The following ERBB4 variants were observed in gnomAD, a reference collection of about 807,000 sequenced individuals.
ERBB4 encodes the protein erb-b2 receptor tyrosine kinase 4, also known as receptor tyrosine-protein kinase erbB-4.
Under a neutral mutation model 158.0 loss-of-function variants are expected in ERBB4, and 42 were observed. The observed-to-expected ratio is 0.27, with a 90% confidence interval of 0.21 to 0.34. ERBB4 has a LOEUF of 0.34. ERBB4 is among the 10% of genes least tolerant of loss of function. ERBB4 has a pLI of 1.00. For synonymous variants in ERBB4, 583 were observed against 558.7 expected, an observed-to-expected ratio of 1.04 and a Z score of -0.61; for missense variants, 1,333 against 1,624.1, an observed-to-expected ratio of 0.82 and a Z score of 3.08.
At chr2:212,166,097 G>A (rs1575733840) in intron 1 of ERBB4, among the ~76,000 whole-genome samples, 1 of 151,454 alleles carries the variant, frequency 6.6e-6, no homozygotes, top group South Asian at 2.1e-4. Flanking sequence ...CCCAAATTTA[G>A]TTTGGTTCAA....
chr2:212,075,393 G>A (rs1047600145), intron 2 of ERBB4, among the ~76,000 whole-genome samples: 1 of 151,692 alleles, frequency 6.6e-6, no homozygotes, highest in African/African-American at 2.4e-5. Context: ...ATGAAAAAGG[G>A]AATAAAATTA....
chr2:212,156,431 C>T (rs548203222), intron 1 of ERBB4, among the ~76,000 whole-genome samples: 30 of 152,106 alleles, frequency 2.0e-4, no homozygotes, highest in Admixed American at 1.5e-3. Context: ...GAAAATAATT[C>T]GGTTCATCCC....
intron 1 of ERBB4, among the ~76,000 whole-genome samples, chr2:212,203,531 G>A (rs2082648773): frequency 6.6e-6 from 1 of 152,170 alleles, no homozygotes; most frequent in African/African-American, 2.4e-5. Context: ...CACTGGGAAA[G>A]TTTTGAAAAT....
At chr2:211,508,604 G>A (rs2125607537) in intron 20 of ERBB4, among the ~76,000 whole-genome samples, 1 of 152,258 alleles carries the variant, frequency 6.6e-6, no homozygotes, top group South Asian at 2.1e-4. Context: ...AATACCATTT[G>A]ACCCAGCAAT....
chr2:211,796,430 A>T (rs2076384362), intron 3 of ERBB4, among the ~76,000 whole-genome samples: 1 of 151,988 alleles, frequency 6.6e-6, no homozygotes, highest in African/African-American at 2.4e-5. Context: ...ACTTCCTAGA[A>T]AATGCCTTTA....
At chr2:211,796,688 G>A (rs1411946265) in intron 3 of ERBB4, among the ~76,000 whole-genome samples, 1 of 151,862 alleles carries the variant, frequency 6.6e-6, no homozygotes, top group Admixed American at 6.6e-5. Context: ...AGTGACTACT[G>A]AAGTTGACCT....
At chr2:211,807,917 A>G (rs1175932394) in intron 3 of ERBB4, among the ~76,000 whole-genome samples, 1 of 152,168 alleles carries the variant, frequency 6.6e-6, no homozygotes, top group Non-Finnish European at 1.5e-5. Context: ...GGCTGCATAA[A>G]TGTCTTCTTC....
intron 1 of ERBB4, among the ~76,000 whole-genome samples, chr2:212,222,265 T>C (rs2083313138): frequency 6.6e-6 from 1 of 151,598 alleles, no homozygotes; most frequent in African/African-American, 2.4e-5. Context: ...TACGGGTTAA[T>C]GGTCAAAATC....
At chr2:211,478,575 A>G (rs891468736) in intron 20 of ERBB4, among the ~76,000 whole-genome samples, 1 of 152,102 alleles carries the variant, frequency 6.6e-6, no homozygotes, top group East Asian at 1.9e-4. Flanking sequence ...GGCAAAATAG[A>G]TTTGATTTCA....
At chr2:211,798,924 G>A (rs2076440941) in intron 3 of ERBB4, among the ~76,000 whole-genome samples, 1 of 152,094 alleles carries the variant, frequency 6.6e-6, no homozygotes, top group Admixed American at 6.6e-5. Flanking sequence ...ATCTGGTTGA[G>A]TTAACCCTTT....
At chr2:212,501,574 T>C (rs1690890956) in intron 1 of ERBB4, among the ~76,000 whole-genome samples, 1 of 152,220 alleles carries the variant, frequency 6.6e-6, no homozygotes, top group Admixed American at 6.5e-5. Context: ...GGATTTTTTA[T>C]TTAAAACACA....
At chr2:211,412,126 T>A (rs1296409086) in intron 25 of ERBB4, among the ~76,000 whole-genome samples, 1 of 151,874 alleles carries the variant, frequency 6.6e-6, no homozygotes, top group Non-Finnish European at 1.5e-5. Context: ...TTAAATTGAA[T>A]AATTTAATGA....
At chr2:212,373,902 T>C (rs2090197405) in intron 1 of ERBB4, among the ~76,000 whole-genome samples, 1 of 120,664 alleles carries the variant, frequency 8.3e-6, no homozygotes, top group Non-Finnish European at 1.7e-5. Context: ...TATATATATA[T>C]CCATGTATAT....
chr2:211,774,451 A>T (rs151002964), intron 4 of ERBB4, among the ~76,000 whole-genome samples: 2,567 of 152,252 alleles, frequency 0.017, 37 homozygotes, highest in Non-Finnish European at 0.027. Flanking sequence ...AATGAATTAA[A>T]GCTGCATAGG....
Position 212,286,829 on chromosome 2 carries a change from C to T in ERBB4, c.83-161926G>A, listed in dbSNP as rs79468355. On this transcript the variant is annotated intron_variant, in intron 1 of 27. Coordinates refer to ENST00000342788, the MANE Select transcript of ERBB4 (RefSeq NM_005235.3). ...TTCCGCCATGTTGCCCACGCTGTTC[C>T]CCAACTTCTGAACTCAAGCGATCCG... is the stretch of plus-strand genomic sequence containing the variant. Among the ~76,000 whole-genome samples the T allele has an allele frequency of 9.3e-3, 1,237 of 133,302 alleles. 19 individuals carry two copies. The highest frequency in any genetic ancestry group is 0.034 in the African/African-American group (1,177 of 34,976). The allele number at this position is 133,302 out of a possible 152,430, so 87.5% of individuals were successfully genotyped here. A position where few individuals can be genotyped will look rare whatever the true frequency, so the allele number is the denominator to read the frequency against.
chr2:212,136,722 A>T (rs1559568665), intron 1 of ERBB4, among the ~76,000 whole-genome samples: 1 of 152,202 alleles, frequency 6.6e-6, no homozygotes, highest in Non-Finnish European at 1.5e-5. Flanking sequence ...AAACTTGCTC[A>T]TTCAGGGTAA....
chr2:211,575,590 G>T (rs182360773), intron 19 of ERBB4, among the ~76,000 whole-genome samples: 1 of 152,120 alleles, frequency 6.6e-6, no homozygotes, highest in Admixed American at 6.6e-5. Context: ...TGTTTTCCTG[G>T]ACACTGCATC....
chr2:212,271,085 C>A (rs777130495), intron 1 of ERBB4, among the ~76,000 whole-genome samples: 88 of 151,850 alleles, frequency 5.8e-4, no homozygotes, highest in Admixed American at 1.3e-3. Context: ...CCTATTTTAT[C>A]GAGCAGTTAT....
chr2:212,020,669 A>C (rs1279648123), intron 2 of ERBB4, among the ~76,000 whole-genome samples: 1 of 152,152 alleles, frequency 6.6e-6, no homozygotes, highest in Non-Finnish European at 1.5e-5. Flanking sequence ...AATAAAATAC[A>C]TATTCTTCTT....
Sources: gnomAD v4.1 joint callset for allele counts (sites outside exome capture counted in the v4.1 genomes callset) on GRCh38, gnomAD v4.1.1 for gene constraint, MANE v1.5 for transcripts, NCBI Gene and HGNC (gene_info 2026-07-23, HGNC 2026-07-21) for gene names.